The following GARRE1 variants were observed in gnomAD, a reference collection of about 807,000 sequenced individuals.
GARRE1 encodes the protein granule associated Rac and RHOG effector 1.
A neutral mutation model predicts 103.2 loss-of-function variants in GARRE1; 49 were observed. That is an observed-to-expected ratio of 0.47 (90% CI 0.38 to 0.60). The LOEUF (loss-of-function observed/expected upper bound fraction) is 0.60, where lower values mean the gene tolerates loss of function less well. Among genes scored for constraint, GARRE1 ranks in the 20% least tolerant of loss-of-function variants. GARRE1 has a pLI of 0.00. For missense variants in GARRE1, 1,199 were observed against 1,370.5 expected, an observed-to-expected ratio of 0.87 and a Z score of 1.98; for synonymous variants, 505 against 532.8, an observed-to-expected ratio of 0.95 and a Z score of 0.72.
chr19:34,259,845 C>T (rs574554740), intron 1 of GARRE1, among the ~76,000 whole-genome samples: 1 of 152,248 alleles, frequency 6.6e-6, no homozygotes, highest in African/African-American at 2.4e-5. Context: ...GAGCAGTTTC[C>T]CCCATGCTAT....
chr19:34,315,726 A>AT (rs1242541883), intron 2 of GARRE1, among the ~76,000 whole-genome samples: 1 of 151,620 alleles, frequency 6.6e-6, no homozygotes, highest in Non-Finnish European at 1.5e-5. Flanking sequence ...AAAAAAAAAA[A>AT]AAAAAAGGGT....
intron 10 of GARRE1, among the ~76,000 whole-genome samples, chr19:34,342,874 G>A (rs534881341): frequency 1.3e-5 from 2 of 151,674 alleles, no homozygotes; most frequent in Non-Finnish European, 2.9e-5. Context: ...ACCTATGACA[G>A]GTGACAGACA....
intron 2 of GARRE1, among the ~76,000 whole-genome samples, chr19:34,304,420 G>A (rs1215506743): frequency 6.7e-6 from 1 of 149,762 alleles, no homozygotes; most frequent in Non-Finnish European, 1.5e-5. Flanking sequence ...CTGTTGCCCG[G>A]GCTAGAGTGC....
chr19:34,258,483 G>C (rs1257100823), intron 1 of GARRE1, among the ~76,000 whole-genome samples: 1 of 152,008 alleles, frequency 6.6e-6, no homozygotes, highest in Non-Finnish European at 1.5e-5. Context: ...CTTTCTCCAG[G>C]TGAAGAAAAT....
At position 34,327,419 on chromosome 19, in the gene GARRE1, AG is replaced by A; in HGVS notation, c.706del. The stretch of plus-strand genomic sequence containing the variant: ...ACCTACCAGTTACTATATATGTTAC[AG>A]GCGACATCTAGACTAAGAGAAAGAG... On this transcript the variant is annotated splice_acceptor_variant, in intron 3 of 13. Transcript: ENST00000299505. LOFTEE classifies it high-confidence loss of function. 1 of 1,614,026 alleles carries A rather than the reference AG, an allele frequency of 6.2e-7. No individual in the cohort carries two copies.
intron 1 of GARRE1, among the ~76,000 whole-genome samples, chr19:34,283,745 G>A (rs546812843): frequency 5.9e-5 from 9 of 152,078 alleles, no homozygotes; most frequent in Non-Finnish European, 1.3e-4. Flanking sequence ...TTCTTAGGAT[G>A]GCTGACCACT....
At chr19:34,278,440 A>C (rs1299304889) in intron 1 of GARRE1, among the ~76,000 whole-genome samples, 1 of 88,536 alleles carries the variant, frequency 1.1e-5, no homozygotes, top group East Asian at 2.3e-4. Context: ...GCAAGACTCC[A>C]TCTCAAAAAA....
chr19:34,354,241 T>G lies in GARRE1; in HGVS notation c.*1286T>G, dbSNP rs935088278. ...TTTTTTTTATATTTTCTTAAATCAT[T>G]AAACCATTTTAATATATGTTAACTA... On this transcript the variant is annotated 3_prime_UTR_variant, in exon 14 of 14. Transcript: ENST00000299505. 33 of 152,258 alleles carry G rather than the reference T, an allele frequency of 2.2e-4. No homozygotes were observed. Among genetic ancestry groups the G allele is most frequent in the African/African-American group, 6.8e-4 (28 of 41,448 alleles). 9.4% of individuals were successfully genotyped at this position (152,258 alleles called of 1,614,324 possible). A position where few individuals can be genotyped will look rare whatever the true frequency, so the allele number is the denominator to read the frequency against.
intron 2 of GARRE1, among the ~76,000 whole-genome samples, chr19:34,312,254 C>G (rs28723643): frequency 0.097 from 14,807 of 152,110 alleles, 1,142 homozygotes; most frequent in African/African-American, 0.21. Flanking sequence ...GGGTAGCAGA[C>G]GTGACTAGAA....
At chr19:34,337,030 T>C (rs955580405) in intron 8 of GARRE1, among the ~76,000 whole-genome samples, 21 of 151,788 alleles carry the variant, frequency 1.4e-4, no homozygotes, top group Admixed American at 1.4e-3. Flanking sequence ...CTTTTGGTAA[T>C]TTTGCAAAAT....
chr19:34,301,026 A>G, intron 2 of GARRE1, 58 bp downstream of exon 2: 1 of 1,508,752 alleles, frequency 6.6e-7, no homozygotes, highest in Non-Finnish European at 8.9e-7. Flanking sequence ...GGTAAGTGAG[A>G]ATATTGTCTT....
chr19:34,327,304 G>A (rs1322016761), intron 3 of GARRE1, 117 bp from the exon 4 acceptor site: 2 of 949,282 alleles, frequency 2.1e-6, no homozygotes, highest in Non-Finnish European at 3.2e-6. Context: ...TATTTGCTTA[G>A]ATGGTTTATT....
At chr19:34,337,063 T>C (rs1389817664) in intron 8 of GARRE1, among the ~76,000 whole-genome samples, 2 of 152,038 alleles carry the variant, frequency 1.3e-5, no homozygotes, top group Non-Finnish European at 2.9e-5. Flanking sequence ...TTTTTTTTTT[T>C]TTTTCAAATT....
chr19:34,318,643 T>C (rs1313135687), intron 2 of GARRE1, among the ~76,000 whole-genome samples: 1 of 152,180 alleles, frequency 6.6e-6, no homozygotes, highest in Non-Finnish European at 1.5e-5. Context: ...TATTGCCAAA[T>C]CTGATGTGGG....
intron 1 of GARRE1, among the ~76,000 whole-genome samples, chr19:34,299,464 T>C (rs1489480736): frequency 6.6e-6 from 1 of 152,208 alleles, no homozygotes; most frequent in Non-Finnish European, 1.5e-5. Flanking sequence ...AGAATCATAC[T>C]TTTTTGGTTG....
intron 1 of GARRE1, among the ~76,000 whole-genome samples, chr19:34,290,308 A>T (rs940703641): frequency 6.6e-6 from 1 of 152,048 alleles, no homozygotes; most frequent in African/African-American, 2.4e-5. Context: ...GTGAACCAAG[A>T]TTGCACCACT....
At chr19:34,345,598 T>C (rs1599782870) in intron 10 of GARRE1, among the ~76,000 whole-genome samples, 3 of 152,268 alleles carry the variant, frequency 2.0e-5, no homozygotes, top group East Asian at 3.9e-4. Flanking sequence ...GGCCAGCGGA[T>C]TGCTTGAGGC....
At chr19:34,326,321 A>T (rs1400401791) in intron 3 of GARRE1, among the ~76,000 whole-genome samples, 1 of 152,260 alleles carries the variant, frequency 6.6e-6, no homozygotes. Flanking sequence ...CAGCAGAACA[A>T]AAGCTAACTG....
intron 1 of GARRE1, among the ~76,000 whole-genome samples, chr19:34,275,540 T>C (rs1259023872): frequency 6.6e-6 from 1 of 152,194 alleles, no homozygotes; most frequent in South Asian, 2.1e-4. Flanking sequence ...TCAAGGTTCA[T>C]CCATGTATCA....
Sources: gnomAD v4.1 joint callset for allele counts (sites outside exome capture counted in the v4.1 genomes callset) on GRCh38, gnomAD v4.1.1 for gene constraint, MANE v1.5 for transcripts, NCBI Gene and HGNC (gene_info 2026-07-23, HGNC 2026-07-21) for gene names.